Variants in BMP7 observed in about 807,000 individuals in gnomAD.
The protein encoded by BMP7 is bone morphogenetic protein 7.
In BMP7, 12 loss-of-function variants were observed where a neutral mutation model predicts 41.2. The observed-to-expected ratio is 0.29, with a 90% CI of 0.19 to 0.47. BMP7 has a LOEUF of 0.47. Among genes scored for constraint, BMP7 ranks in the 20% least tolerant of loss-of-function variants. The probability of loss-of-function intolerance (pLI) is 0.99; values close to 1 mark genes in which losing one functional copy is unlikely to be tolerated. For synonymous variants in BMP7, 248 were observed against 250.0 expected, an observed-to-expected ratio of 0.99 and a Z score of 0.07; for missense variants, 467 against 606.0, an observed-to-expected ratio of 0.77 and a Z score of 2.41.
At chr20:57,249,561 C>A (rs2066104147) in intron 1 of BMP7, among the ~76,000 whole-genome samples, 1 of 152,142 alleles carries the variant, frequency 6.6e-6, no homozygotes, top group Non-Finnish European at 1.5e-5. Flanking sequence ...GTCCCGGATT[C>A]TTTTCAAAAT....
chr20:57,216,276 C>A (rs1452145731), intron 2 of BMP7, among the ~76,000 whole-genome samples: 1 of 152,154 alleles, frequency 6.6e-6, no homozygotes, highest in African/African-American at 2.4e-5. Flanking sequence ...GACACTTGGC[C>A]TCTGTCATGC....
intron 2 of BMP7, among the ~76,000 whole-genome samples, chr20:57,204,205 G>A (rs909496331): frequency 8.5e-5 from 13 of 152,096 alleles, no homozygotes; most frequent in African/African-American, 2.9e-4. Flanking sequence ...ACTAAGCCAC[G>A]GGCAGGAGCC....
At chr20:57,217,052 C>T (rs971587355) in intron 2 of BMP7, among the ~76,000 whole-genome samples, 3 of 152,148 alleles carry the variant, frequency 2.0e-5, no homozygotes, top group Non-Finnish European at 4.4e-5. Flanking sequence ...GTGGAACACC[C>T]AAGGGGAAAG....
chr20:57,263,168 C>A (rs1035187965), intron 1 of BMP7, among the ~76,000 whole-genome samples: 2 of 152,338 alleles, frequency 1.3e-5, no homozygotes, highest in East Asian at 3.9e-4. Context: ...GGTCAGTGCG[C>A]TCTGTTAAAA....
chr20:57,203,372 G>A (rs1984665474), intron 2 of BMP7, among the ~76,000 whole-genome samples: 1 of 152,132 alleles, frequency 6.6e-6, no homozygotes, highest in Non-Finnish European at 1.5e-5. Context: ...TGGATGGATG[G>A]GTAGATGGGT....
intron 2 of BMP7, among the ~76,000 whole-genome samples, chr20:57,210,880 T>G (rs113930587): frequency 1.0e-3 from 155 of 152,376 alleles, no homozygotes; most frequent in African/African-American, 3.6e-3. Flanking sequence ...GAGAGAGTTT[T>G]TGTCTTGCGC....
intron 3 of BMP7, among the ~76,000 whole-genome samples, chr20:57,192,175 A>T (rs1984378520): frequency 7.8e-6 from 1 of 127,408 alleles, no homozygotes; most frequent in Admixed American, 9.0e-5. Context: ...TATATAATAT[A>T]TACTATATAT....
Position 57,244,514 on chromosome 20 carries a change from G to A in BMP7, c.419-16093C>T, listed in dbSNP as rs529337284. Among the ~76,000 whole-genome samples the A allele has an allele frequency of 6.6e-5, 10 of 152,350 alleles. No individual in the cohort carries two copies. In the South Asian group the frequency reaches 1.0e-3, roughly 16 times the overall value. ...ATGCAGGAGAGAACTGGGGTTGAGC[G>A]TGGGCCATGGGGCCTGGAGGTCTGG... On this transcript the variant is annotated intron_variant, in intron 1 of 6. Coordinates refer to ENST00000395863, the MANE Select transcript of BMP7 (RefSeq NM_001719.3).
intron 1 of BMP7, among the ~76,000 whole-genome samples, chr20:57,235,581 G>A (rs2066044405): frequency 6.6e-6 from 1 of 152,178 alleles, no homozygotes; most frequent in Non-Finnish European, 1.5e-5. Flanking sequence ...GGTTCTTCCA[G>A]GAGAGGTGCT....
intron 1 of BMP7, among the ~76,000 whole-genome samples, chr20:57,234,540 T>C (rs2066040666): frequency 6.6e-6 from 1 of 152,236 alleles, no homozygotes; most frequent in Admixed American, 6.5e-5. Context: ...CCCTTTAAGC[T>C]AACTCTAGTC....
At position 57,266,151 on chromosome 20, in the gene BMP7, C is replaced by G; in HGVS notation, c.-29G>C. 5 of 1,503,044 alleles carry G rather than the reference C, an allele frequency of 3.3e-6. No individual in the cohort carries two copies. Among genetic ancestry groups the G allele is most frequent in the Non-Finnish European group, 4.4e-6 (5 of 1,131,442 alleles). 93.1% of individuals were successfully genotyped at this position (1,503,044 alleles called of 1,614,324 possible). ...GCCGGCTCTACGCGCTACCCGGGCT[C>G]CGGGCTCCGGGCCCGCACCGCCCCA... On this transcript the variant is annotated 5_prime_UTR_variant, in exon 1 of 7. Transcript: ENST00000395863.
At chr20:57,200,219 C>T (rs910048941) in intron 3 of BMP7, among the ~76,000 whole-genome samples, 15 of 152,222 alleles carry the variant, frequency 9.9e-5, no homozygotes, top group Non-Finnish European at 1.5e-5. Context: ...CACAACCGCC[C>T]TTGGAGATGG....
intron 1 of BMP7, among the ~76,000 whole-genome samples, chr20:57,233,661 T>C (rs1213788128): frequency 6.6e-6 from 1 of 152,196 alleles, no homozygotes; most frequent in Admixed American, 6.5e-5. Context: ...CATCTGGGGT[T>C]CTTCCTCCCA....
rs760729980 is a variant in BMP7, at chr20:57,229,750, G to T, written c.419-1329C>A. 7.2e-5 allele frequency among the ~76,000 whole-genome samples: 11 copies of T among 152,334 alleles called. No homozygotes were observed. In the South Asian group the frequency reaches 2.3e-3, roughly 32 times the overall value. On this transcript the variant is annotated intron_variant, in intron 1 of 6. Coordinates refer to ENST00000395863, the MANE Select transcript of BMP7 (RefSeq NM_001719.3). ...ATTGGTCAGAAGAAAGGAGAAATAC[G>T]ATCAGCAATCTTCAGCTCTCAGGCT... is the stretch of plus-strand genomic sequence containing the variant.
intron 4 of BMP7, among the ~76,000 whole-genome samples, chr20:57,176,637 G>A (rs1983927637): frequency 6.6e-6 from 1 of 152,080 alleles, no homozygotes; most frequent in Non-Finnish European, 1.5e-5. Flanking sequence ...GCAAAATGAA[G>A]AGAGCTCCTA....
intron 3 of BMP7, among the ~76,000 whole-genome samples, chr20:57,192,309 A>C (rs1159452000): frequency 7.3e-6 from 1 of 136,400 alleles, no homozygotes; most frequent in Non-Finnish European, 1.6e-5. Context: ...TATATATAAA[A>C]TATAGAAGAC....
chr20:57,189,912 A>G (rs1984310455), intron 3 of BMP7, among the ~76,000 whole-genome samples: 1 of 152,248 alleles, frequency 6.6e-6, no homozygotes, highest in Non-Finnish European at 1.5e-5. Context: ...GGTGGCAAGG[A>G]CTAGGAAGAA....
Position 57,265,863 on chromosome 20 carries a change from T to A in BMP7, c.260A>T (p.Tyr87Phe). 6.2e-7 allele frequency: 1 copy of A among 1,606,514 alleles called. No homozygotes were observed. Among genetic ancestry groups the A allele is most frequent in the East Asian group, 2.2e-5 (1 of 44,606 alleles). Residue 87 changes from tyrosine (Y) to phenylalanine (F), a missense_variant, in exon 1 of 7, where the codon TAC becomes TTC. Around this residue, in one of 2 missense-constraint regions of BMP7, gnomAD observed 407 missense variants for 485.9 expected, o/e 0.84. Transcript: ENST00000395863. Reference protein sequence around the residue: ...NSAPMFMLDLYNAMAVEEGGG... With the variant: ...NSAPMFMLDLFNAMAVEEGGG... The stretch of plus-strand genomic sequence containing the variant: ...GCCCTCCTCCACCGCCATGGCGTTG[T>A]ACAGGTCCAGCATGAACATGGGTGC...
At chr20:57,221,266 G>A (rs1256628930) in intron 2 of BMP7, among the ~76,000 whole-genome samples, 1 of 152,168 alleles carries the variant, frequency 6.6e-6, no homozygotes, top group African/African-American at 2.4e-5. Context: ...GCGGCTCCAG[G>A]TGCGTCTGCA....
Sources: gnomAD v4.1 joint callset for allele counts (sites outside exome capture counted in the v4.1 genomes callset) on GRCh38, gnomAD v4.1.1 for gene constraint, gnomAD v4.1.1 regional missense constraint, MANE v1.5 for transcripts, NCBI Gene and HGNC (gene_info 2026-07-23, HGNC 2026-07-21) for gene names.